The following PARD3B variants were observed in gnomAD, a reference collection of about 807,000 sequenced individuals.
The protein encoded by PARD3B is partitioning defective 3 homolog B.
In PARD3B, 103 loss-of-function variants were observed where a neutral mutation model predicts 130.2. The ratio of observed to expected loss-of-function variants is 0.79; its 90% confidence interval spans 0.67 to 0.93. The LOEUF (loss-of-function observed/expected upper bound fraction) is 0.93, where lower values mean the gene tolerates loss of function less well. Ranked by LOEUF, PARD3B falls within the 40% of genes least tolerant of loss-of-function variation. The pLI is 0.00. For missense variants in PARD3B, 1,609 were observed against 1,499.2 expected (o/e 1.07, Z -1.21); for synonymous variants, 583 against 553.2 (o/e 1.05, Z -0.76).
intron 2 of PARD3B, among the ~76,000 whole-genome samples, chr2:204,869,853 T>C (rs763789388): frequency 6.6e-6 from 1 of 152,180 alleles, no homozygotes; most frequent in Non-Finnish European, 1.5e-5. Context: ...ATGTGTCTGG[T>C]GTTTTTAATG....
rs148777048 is a variant in PARD3B, at chr2:205,568,146, G to A, written c.3260+14743G>A. 4.6e-3 allele frequency among the ~76,000 whole-genome samples: 693 copies of A among 152,292 alleles called. 7 individuals are homozygous for A. Among genetic ancestry groups the A allele is most frequent in the African/African-American group, 0.016 (659 of 41,566 alleles). On this transcript the variant is annotated intron_variant, in intron 22 of 22. Transcript: ENST00000406610. The surrounding 1 kb of genome is among the most constrained non-coding windows in gnomAD (Gnocchi z 5.3). ...GAAGTGCTGCAGTGATGGGGGTGTG[G>A]GGGCAGTCTGCTGCCACAACTAAGG...
Position 205,122,402 on chromosome 2 carries a change from C to A in PARD3B, c.1165+453C>A, listed in dbSNP as rs530244172. Reference sequence around the variant, plus strand: ...GCAAATATGTAATGTTTACTAATTTCTCTGATTCAACGTCACAAACATTTA... The same window carrying A: ...GCAAATATGTAATGTTTACTAATTTATCTGATTCAACGTCACAAACATTTA... On this transcript the variant is annotated intron_variant, in intron 8 of 22. Coordinates refer to ENST00000406610, the MANE Select transcript of PARD3B (RefSeq NM_001302769.2). This position sits in a 1 kb window ranked among gnomAD's most constrained non-coding sequence, Gnocchi z 4.3. 1.7e-4 allele frequency among the ~76,000 whole-genome samples: 26 copies of A among 152,310 alleles called. No individual in the cohort carries two copies. The highest frequency in any genetic ancestry group is 5.3e-4 in the African/African-American group (22 of 41,572).
intron 3 of PARD3B, among the ~76,000 whole-genome samples, chr2:204,996,369 G>A (rs1393190716): frequency 2.0e-5 from 3 of 152,116 alleles, no homozygotes; most frequent in East Asian, 3.9e-4. Flanking sequence ...CCCTGCTGGG[G>A]GGTGCCTCCC....
chr2:204,714,278 C>G (rs1284739402), intron 2 of PARD3B, among the ~76,000 whole-genome samples: 7 of 152,174 alleles, frequency 4.6e-5, no homozygotes, highest in African/African-American at 1.7e-4. Flanking sequence ...CATTTACTAA[C>G]TACAGCATTT....
chr2:205,479,599 T>C (rs2049151469), intron 20 of PARD3B, among the ~76,000 whole-genome samples: 1 of 152,214 alleles, frequency 6.6e-6, no homozygotes, highest in South Asian at 2.1e-4. Context: ...ATTCATCTAT[T>C]TTTCTCCAGC....
rs2031310459 is a variant in PARD3B, at chr2:204,561,582, C to CATCTCCCT, written c.120+15464_120+15471dup. ...GTCCACAGCTCTAGCCCTATGTACT[C>CATCTCCCT]ATCTCCCTTGTATTTTTTTTTTTTT... On this transcript the variant is annotated intron_variant, in intron 1 of 22. Transcript: ENST00000406610. 1.3e-5 allele frequency among the ~76,000 whole-genome samples: 2 copies of CATCTCCCT among 151,160 alleles called. 1 individual carries two copies. Among genetic ancestry groups the CATCTCCCT allele is most frequent in the Non-Finnish European group, 2.9e-5 (2 of 67,902 alleles).
chr2:205,014,773 A>G (rs1695993026), intron 3 of PARD3B, among the ~76,000 whole-genome samples: 1 of 152,186 alleles, frequency 6.6e-6, no homozygotes, highest in Non-Finnish European at 1.5e-5. Flanking sequence ...AACTTTGAGA[A>G]GTGCCACAAA....
intron 1 of PARD3B, among the ~76,000 whole-genome samples, chr2:204,632,443 G>A (rs2034712479): frequency 6.6e-6 from 1 of 152,106 alleles, no homozygotes; most frequent in African/African-American, 2.4e-5. Flanking sequence ...ATCTACCTCT[G>A]ATCTTTGAGG....
chr2:204,633,856 G>T (rs2034778104), intron 1 of PARD3B, among the ~76,000 whole-genome samples: 2 of 152,104 alleles, frequency 1.3e-5, no homozygotes, highest in African/African-American at 4.8e-5. Context: ...AGGTTTGTGG[G>T]TACATAGTAG....
At chr2:205,548,623 A>T (rs1344276669) in intron 21 of PARD3B, among the ~76,000 whole-genome samples, 2 of 152,008 alleles carry the variant, frequency 1.3e-5, no homozygotes, top group Non-Finnish European at 2.9e-5. Context: ...CCTTTGCTGA[A>T]CTCTCCAAGT....
chr2:205,192,737 C>T (rs1163439872), intron 14 of PARD3B, among the ~76,000 whole-genome samples: 1 of 152,196 alleles, frequency 6.6e-6, no homozygotes, highest in African/African-American at 2.4e-5. Flanking sequence ...GAAAACCAAA[C>T]TCCTACAGGC....
At chr2:205,557,109 C>G (rs372418268) in intron 22 of PARD3B, among the ~76,000 whole-genome samples, 1 of 152,156 alleles carries the variant, frequency 6.6e-6, no homozygotes, top group African/African-American at 2.4e-5. Context: ...GACTTAGAAT[C>G]AAGTGTGGAG....
rs536621449 is a variant in PARD3B, at chr2:205,249,108, C to T, written c.2185+3286C>T. On this transcript the variant is annotated intron_variant, in intron 16 of 22. Transcript: ENST00000406610. ...CACTGCAACCTCTGCCTCCCAGATTCAAGCAATTCTCCTGCCTCAGCCTCC... is the reference window on the plus strand; with the variant it reads ...CACTGCAACCTCTGCCTCCCAGATTTAAGCAATTCTCCTGCCTCAGCCTCC... Among the ~76,000 whole-genome samples the T allele has an allele frequency of 2.8e-5, 4 of 142,452 alleles. No individual in the cohort carries two copies. The South Asian group carries it at 9.6e-4, about 34-fold the overall frequency. 93.5% of individuals were successfully genotyped at this position (142,452 alleles called of 152,430 possible).
intron 2 of PARD3B, among the ~76,000 whole-genome samples, chr2:204,935,462 C>T (rs1432647844): frequency 1.3e-5 from 2 of 151,576 alleles, no homozygotes; most frequent in Non-Finnish European, 2.9e-5. Context: ...TGGTGTGAAC[C>T]CGGGAGGTGG....
intron 3 of PARD3B, among the ~76,000 whole-genome samples, chr2:204,979,529 G>A (rs1480653755): frequency 6.6e-6 from 1 of 152,112 alleles, no homozygotes; most frequent in Non-Finnish European, 1.5e-5. Context: ...AATATGAATG[G>A]ACAGCCACTA....
At chr2:204,604,035 T>G (rs1574533476) in intron 1 of PARD3B, among the ~76,000 whole-genome samples, 1 of 152,214 alleles carries the variant, frequency 6.6e-6, no homozygotes, top group South Asian at 2.1e-4. Context: ...TGTTGAAGGG[T>G]TTTGGTCATT....
chr2:205,396,642 T>A (rs1285374251), intron 18 of PARD3B, among the ~76,000 whole-genome samples: 1 of 152,176 alleles, frequency 6.6e-6, no homozygotes, highest in Non-Finnish European at 1.5e-5. Context: ...AAAAAAGATT[T>A]TATTGATTAA....
At chr2:204,589,081 C>T (rs111922750) in intron 1 of PARD3B, among the ~76,000 whole-genome samples, 2,044 of 152,172 alleles carry the variant, frequency 0.013, 44 homozygotes, top group African/African-American at 0.047. Flanking sequence ...GGGACACCCA[C>T]GGAAGGTAGA....
At chr2:204,587,050 T>C (rs1454786591) in intron 1 of PARD3B, among the ~76,000 whole-genome samples, 1 of 152,098 alleles carries the variant, frequency 6.6e-6, no homozygotes, top group Non-Finnish European at 1.5e-5. Context: ...AATGTAAAAA[T>C]GGAGTGGAAA....
Sources: allele counts gnomAD v4.1 joint callset (sites outside exome capture counted in the v4.1 genomes callset), GRCh38; gene constraint gnomAD v4.1.1; non-coding constraint Gnocchi (gnomAD v3.1); transcripts MANE v1.5; gene names NCBI Gene and HGNC (gene_info 2026-07-23, HGNC 2026-07-21).